SYNE2: variants seen among roughly 807,000 people sequenced by gnomAD.
The protein encoded by SYNE2 is nesprin-2.
SYNE2 carries 431 observed loss-of-function variants against 856.3 expected under a neutral mutation model. The ratio of observed to expected loss-of-function variants is 0.50; its 90% CI spans 0.47 to 0.55. SYNE2 has a LOEUF of 0.55. Among genes scored for constraint, SYNE2 ranks in the 20% least tolerant of loss-of-function variants. The pLI is 0.00. For synonymous variants in SYNE2, 2,923 were observed against 2,872.3 expected (o/e 1.02, Z -0.56); for missense variants, 8,129 against 8,023.2 (o/e 1.01, Z -0.50).
chr14:63,909,968 A>C (rs2095453545), intron 2 of SYNE2, among the ~76,000 whole-genome samples: 1 of 152,222 alleles, frequency 6.6e-6, no homozygotes, highest in South Asian at 2.1e-4. Flanking sequence ...TCATTTTTTT[A>C]AAAGTGCTTC....
Position 64,009,976 on chromosome 14 carries a change from T to C in SYNE2, c.4588T>C (p.Cys1530Arg), listed in dbSNP as rs759672510. The change falls in exon 32 of 116, where the codon TGT becomes CGT. Residue 1530 changes from cysteine (C) to arginine (R), a missense_variant. This residue lies in a region of SYNE2 where 2,422 missense variants were observed against 2,357.4 expected (regional missense o/e 1.03). Transcript: ENST00000555002. ...KALVTECLEQ[C>R]GRVLELLKQY... Reference sequence around the variant, plus strand: ...TTTTTCTATTCTTAGTCTTGAACAATGTGGGAGAGTTTTGGAGCTCTTAAA... The same window carrying C: ...TTTTTCTATTCTTAGTCTTGAACAACGTGGGAGAGTTTTGGAGCTCTTAAA... The C allele has an allele frequency of 2.5e-6, 4 of 1,613,716 alleles. No homozygotes were observed. The highest frequency in any genetic ancestry group is 3.4e-6 in the Non-Finnish European group (4 of 1,179,840).
At chr14:64,200,443 C>T in intron 99 of SYNE2, among the ~76,000 whole-genome samples, 1 of 152,172 alleles carries the variant, frequency 6.6e-6, no homozygotes, top group Non-Finnish European at 1.5e-5. Context: ...CTCCTTGTCC[C>T]ACAGTGCCAG....
intron 51 of SYNE2, among the ~76,000 whole-genome samples, chr14:64,070,069 C>T (rs768017513): frequency 2.2e-4 from 33 of 152,212 alleles, no homozygotes; most frequent in Non-Finnish European, 4.3e-4. Flanking sequence ...GGTGGAACTC[C>T]CAGTTTCTAG....
chr14:63,960,877 TA>T (rs1595891288), intron 8 of SYNE2: 41 of 603,058 alleles, frequency 6.8e-5, no homozygotes, highest in East Asian at 2.5e-4. Context: ...AGACCCTGTC[TA>T]AAAAAAATAA....
chr14:63,791,496 A>G (rs1331451955), intron 1 of SYNE2, among the ~76,000 whole-genome samples: 1 of 152,164 alleles, frequency 6.6e-6, no homozygotes. Flanking sequence ...AAATATCTCA[A>G]TTTTTCTCTT....
At chr14:64,037,548 G>T (rs2097101720) in intron 45 of SYNE2, among the ~76,000 whole-genome samples, 1 of 142,620 alleles carries the variant, frequency 7.0e-6, no homozygotes, top group South Asian at 2.4e-4. Context: ...CACAGACACG[G>T]CAACCATCCG....
In SYNE2 at chr14:64,163,492, A is replaced by G. The variant is rs763628364; in HGVS notation, c.16390A>G (p.Thr5464Ala). Residue 5464 changes from threonine to alanine, a missense_variant, in exon 89 of 116, where the codon ACC becomes GCC. Transcript: ENST00000555002. ...DRLPQPAESS[T>A]HMLLPGPLHS... is the part of the protein sequence containing the mutation. ...ACTCCCACAACCCGCAGAGTCCAGC[A>G]CCCACATGCTCCTCCCGGGCCCCCT... 30 of 1,614,008 alleles carry G rather than the reference A, an allele frequency of 1.9e-5. No individual in the cohort carries two copies. Among genetic ancestry groups the G allele is most frequent in the Non-Finnish European group, 2.5e-5 (30 of 1,180,030 alleles).
intron 1 of SYNE2, among the ~76,000 whole-genome samples, chr14:63,804,696 G>C (rs1888291869): frequency 6.6e-6 from 1 of 152,054 alleles, no homozygotes; most frequent in Non-Finnish European, 1.5e-5. Context: ...GTTTCTCCAT[G>C]TTGGTCAGGC....
chr14:63,863,363 A>G (rs935390907), intron 1 of SYNE2, among the ~76,000 whole-genome samples: 2 of 152,168 alleles, frequency 1.3e-5, no homozygotes, highest in Admixed American at 6.5e-5. Flanking sequence ...GTTTTCTCCT[A>G]CTTTGGCTTT....
chr14:63,970,651 C>CTTTTTTTTTTTTTTTTTTTTTTT (rs61126600), intron 11 of SYNE2, among the ~76,000 whole-genome samples: 79 of 98,874 alleles, frequency 8.0e-4, no homozygotes, highest in Non-Finnish European at 1.1e-3. Flanking sequence ...TTTCTTTTTT[C>CTTTTTTTTTTTTTTTTTTTTTTT]TTTTTTTTTT....
rs1425686960 is a variant in SYNE2 at position 64,122,332 on chromosome 14, T to A, written c.13327T>A (p.Ser4443Thr). 1 of 1,614,184 alleles carries A rather than the reference T, an allele frequency of 6.2e-7. No homozygotes were observed. The highest frequency in any genetic ancestry group is 1.1e-5 in the South Asian group (1 of 91,086). ...AAATGACGTTCCAGACTCGATCTTG[T>A]CACCCCAGGGCCAAAATGGAGATAA... ...PENDVPDSIL[S>T]PQGQNGDKWQ... is the part of the protein sequence containing the mutation. Residue 4443 changes from serine (S) to threonine (T), a missense_variant, in exon 70 of 116, where the codon TCA (serine) becomes ACA (threonine). Physicochemically the swap from Ser to Thr is moderately conservative, Grantham distance 58 (BLOSUM62 1). This residue lies in a region of SYNE2 where 5,410 missense variants were observed against 5,284.8 expected (regional missense o/e 1.02). Coordinates refer to ENST00000555002, the MANE Select transcript of SYNE2 (RefSeq NM_182914.3).
At chr14:64,198,002 A>T (rs1345748522) in intron 99 of SYNE2, among the ~76,000 whole-genome samples, 1 of 152,236 alleles carries the variant, frequency 6.6e-6, no homozygotes, top group African/African-American at 2.4e-5. Flanking sequence ...GCTTTTGTTC[A>T]GGTCTCCCAA....
At chr14:64,087,472 T>G (rs1243684089) in intron 57 of SYNE2, 199 bp from the exon 58 acceptor site, 4 of 743,916 alleles carry the variant, frequency 5.4e-6, no homozygotes, top group Non-Finnish European at 1.0e-5. Flanking sequence ...TTTCTTATTA[T>G]GTTACAGTTA....
At chr14:63,817,035 C>T (rs1889019653) in intron 1 of SYNE2, among the ~76,000 whole-genome samples, 1 of 152,194 alleles carries the variant, frequency 6.6e-6, no homozygotes, top group African/African-American at 2.4e-5. Context: ...GTGCACACCA[C>T]CATGCCTGAC....
intron 1 of SYNE2, among the ~76,000 whole-genome samples, chr14:63,841,400 C>T (rs140712843): frequency 0.013 from 1,978 of 152,306 alleles, 28 homozygotes; most frequent in Middle Eastern, 0.041. Flanking sequence ...TCCCTTCTTC[C>T]GCCTTCCATT....
intron 47 of SYNE2, 41 bp from the exon 48 acceptor site, chr14:64,051,516 G>A (rs1169578124): frequency 1.3e-6 from 2 of 1,527,864 alleles, no homozygotes; most frequent in Non-Finnish European, 1.8e-6. Flanking sequence ...TGTAGAATAA[G>A]CATTAAATAT....
At chr14:64,211,495 T>A (rs2098640802) in intron 103 of SYNE2, among the ~76,000 whole-genome samples, 1 of 152,112 alleles carries the variant, frequency 6.6e-6, no homozygotes. Context: ...CAGGCTGGCC[T>A]CAATCCTGAT....
chr14:64,054,402 C>G (rs1595170502), intron 48 of SYNE2, among the ~76,000 whole-genome samples: 1 of 152,198 alleles, frequency 6.6e-6, no homozygotes, highest in East Asian at 1.9e-4. Flanking sequence ...ATTTTTATAG[C>G]AACTCTGTGA....
At chr14:63,841,122 GA>G (rs1421924792) in intron 1 of SYNE2, among the ~76,000 whole-genome samples, 1 of 152,218 alleles carries the variant, frequency 6.6e-6, no homozygotes, top group African/African-American at 2.4e-5. Flanking sequence ...TAGGGGCTTA[GA>G]GGGGGGGCCC....
Sources: gnomAD v4.1 joint callset for allele counts (sites outside exome capture counted in the v4.1 genomes callset) on GRCh38, gnomAD v4.1.1 for gene constraint, gnomAD v4.1.1 regional missense constraint, MANE v1.5 for transcripts, NCBI Gene and HGNC (gene_info 2026-07-23, HGNC 2026-07-21) for gene names.